Variants in CSRNP3 observed in about 807,000 individuals in gnomAD.
CSRNP3 encodes the protein cysteine and serine rich nuclear protein 3.
A neutral mutation model predicts 48.0 loss-of-function variants in CSRNP3; 12 were observed. That is an observed-to-expected ratio of 0.25 (90% CI 0.16 to 0.41). The LOEUF (loss-of-function observed/expected upper bound fraction) is 0.41. Ranked by LOEUF, CSRNP3 falls within the 10% of genes least tolerant of loss-of-function variation. CSRNP3 has a pLI of 1.00. For missense variants in CSRNP3, 580 were observed against 724.4 expected, an observed-to-expected ratio of 0.80 and a Z score of 2.29; for synonymous variants, 263 against 269.7, an observed-to-expected ratio of 0.98 and a Z score of 0.24.
chr2:165,557,420 A>G (rs1411069011), intron 3 of CSRNP3, among the ~76,000 whole-genome samples: 5 of 152,234 alleles, frequency 3.3e-5, no homozygotes, highest in African/African-American at 1.2e-4. Context: ...TTATAGTATC[A>G]TATCTGTGAA....
intron 4 of CSRNP3, among the ~76,000 whole-genome samples, chr2:165,622,533 C>T (rs1686357272): frequency 1.3e-5 from 2 of 152,230 alleles, no homozygotes; most frequent in East Asian, 3.9e-4. Flanking sequence ...AAGTAGTCTA[C>T]TGCTGCTGTG....
At chr2:165,570,909 A>G (rs1300852358) in intron 3 of CSRNP3, among the ~76,000 whole-genome samples, 1 of 152,022 alleles carries the variant, frequency 6.6e-6, no homozygotes, top group Non-Finnish European at 1.5e-5. Context: ...AGTCATAAAC[A>G]TTCTAGATCA....
Position 165,679,922 on chromosome 2 carries a change from GCA to G in CSRNP3, c.*172_*173del. 1 of 874,284 alleles carries G rather than the reference GCA, an allele frequency of 1.1e-6. No homozygotes were observed. The highest frequency in any genetic ancestry group is 1.7e-6 in the Non-Finnish European group (1 of 572,840). 54.2% of individuals were successfully genotyped at this position (874,284 alleles called of 1,614,324 possible). The stretch of plus-strand genomic sequence containing the variant: ...TTTCTAGCCACATGACTGTGGCATT[GCA>G]CAAATACAGTCTCTGTAGGGATTTT... On this transcript the variant is annotated 3_prime_UTR_variant, in exon 7 of 7. Coordinates refer to ENST00000651982, the MANE Select transcript of CSRNP3 (RefSeq NM_001172173.2).
intron 3 of CSRNP3, among the ~76,000 whole-genome samples, chr2:165,545,985 T>C (rs1246544339): frequency 6.6e-6 from 1 of 152,168 alleles, no homozygotes; most frequent in African/African-American, 2.4e-5. Flanking sequence ...TTATTTGTTA[T>C]TATTTGTCTG....
At chr2:165,549,741 C>T (rs973216564) in intron 3 of CSRNP3, among the ~76,000 whole-genome samples, 2 of 152,110 alleles carry the variant, frequency 1.3e-5, no homozygotes, top group South Asian at 2.1e-4. Flanking sequence ...TTAAAACCTG[C>T]GACAAGGCCA....
At chr2:165,539,457 T>A (rs1208121351) in intron 3 of CSRNP3, among the ~76,000 whole-genome samples, 7 of 152,052 alleles carry the variant, frequency 4.6e-5, no homozygotes, top group Non-Finnish European at 7.4e-5. Flanking sequence ...TTTCCAATAT[T>A]TGATTATTTT....
chr2:165,518,718 G>GA (rs552805781), intron 3 of CSRNP3, among the ~76,000 whole-genome samples: 3 of 151,516 alleles, frequency 2.0e-5, no homozygotes, highest in East Asian at 1.9e-4. Flanking sequence ...AATTTTAAAT[G>GA]AAAAAAAATG....
intron 4 of CSRNP3, among the ~76,000 whole-genome samples, chr2:165,609,109 G>GAAAAAAA (rs1045535184): frequency 9.2e-6 from 1 of 108,970 alleles, no homozygotes; most frequent in African/African-American, 3.4e-5. Flanking sequence ...TCCGTCTCAA[G>GAAAAAAA]AAAAAAAAAA....
At chr2:165,500,042 CAAAAA>C (rs112476718) in intron 2 of CSRNP3, among the ~76,000 whole-genome samples, 2 of 120,112 alleles carry the variant, frequency 1.7e-5, no homozygotes, top group Admixed American at 1.7e-4. Flanking sequence ...TTAGCATCAC[CAAAAA>C]AAAAAAAAAC....
intron 4 of CSRNP3, among the ~76,000 whole-genome samples, chr2:165,656,187 G>C (rs575826336): frequency 6.6e-6 from 1 of 152,314 alleles, no homozygotes; most frequent in African/African-American, 2.4e-5. Context: ...AGGCTTACCT[G>C]TCTCACTAAC....
chr2:165,539,370 C>T (rs1291612768), intron 3 of CSRNP3, among the ~76,000 whole-genome samples: 2 of 151,882 alleles, frequency 1.3e-5, no homozygotes, highest in African/African-American at 2.4e-5. Context: ...TCTTCCCAGT[C>T]ATATACACAC....
Position 165,609,064 on chromosome 2 carries a change from G to A in CSRNP3, c.148+13851G>A, listed in dbSNP as rs1354748467. ...AGAGCTTGCAGTGAGCTGAGATGGC[G>A]CCACTGCACTCCAGCCTGGGCGACA... On this transcript the variant is annotated intron_variant, in intron 4 of 6. Coordinates refer to ENST00000651982, the MANE Select transcript of CSRNP3 (RefSeq NM_001172173.2). Among the ~76,000 whole-genome samples, 4 of 150,166 alleles carry A rather than the reference G, an allele frequency of 2.7e-5. No homozygotes were observed. The East Asian group carries it at 6.0e-4, about 22-fold the overall frequency.
At chr2:165,601,094 C>A (rs56049581) in intron 4 of CSRNP3, among the ~76,000 whole-genome samples, 1,740 of 152,300 alleles carry the variant, frequency 0.011, 15 homozygotes, top group Admixed American at 0.023. Context: ...ACTTACCAGT[C>A]ATCAACCAAG....
intron 2 of CSRNP3, among the ~76,000 whole-genome samples, chr2:165,507,455 A>C (rs943805104): frequency 1.3e-5 from 2 of 152,112 alleles, no homozygotes; most frequent in Admixed American, 6.6e-5. Context: ...TTATATTTTT[A>C]AAAAATCTTC....
chr2:165,666,268 G>GGA (rs1316532389), intron 5 of CSRNP3, among the ~76,000 whole-genome samples: 118 of 131,142 alleles, frequency 9.0e-4, no homozygotes, highest in African/African-American at 3.4e-3. Context: ...AAGACAGAGA[G>GGA]AGGAAGGAAG....
At chr2:165,524,714 T>C (rs1294961718) in intron 3 of CSRNP3, among the ~76,000 whole-genome samples, 1 of 152,230 alleles carries the variant, frequency 6.6e-6, no homozygotes, top group Non-Finnish European at 1.5e-5. Context: ...CTTTACCATC[T>C]GACCTCTTTC....
intron 2 of CSRNP3, among the ~76,000 whole-genome samples, chr2:165,505,371 A>G (rs993388465): frequency 1.1e-4 from 16 of 152,164 alleles, no homozygotes; most frequent in Admixed American, 2.6e-4. Flanking sequence ...GCAAATAGAT[A>G]CAGAAGTTGA....
At chr2:165,585,140 G>A (rs929525480) in intron 3 of CSRNP3, among the ~76,000 whole-genome samples, 1 of 151,452 alleles carries the variant, frequency 6.6e-6, no homozygotes, top group African/African-American at 2.4e-5. Context: ...TTAAACATTT[G>A]TTCAGGTATT....
chr2:165,615,887 G>GTTTTTTTT (rs1558951399), intron 4 of CSRNP3, among the ~76,000 whole-genome samples: 2 of 126,654 alleles, frequency 1.6e-5, no homozygotes, highest in Admixed American at 8.4e-5. Flanking sequence ...ATGTTTGTGG[G>GTTTTTTTT]GTTTTTTTTT....
Sources: gnomAD v4.1 joint callset for allele counts (sites outside exome capture counted in the v4.1 genomes callset) on GRCh38, gnomAD v4.1.1 for gene constraint, MANE v1.5 for transcripts, NCBI Gene and HGNC (gene_info 2026-07-23, HGNC 2026-07-21) for gene names.